The following KYNU variants were observed in gnomAD, a reference collection of about 807,000 sequenced individuals.
The protein encoded by KYNU is L-kynurenine hydrolase.
Under a neutral mutation model 59.2 loss-of-function variants are expected in KYNU, and 54 were observed. That is an observed-to-expected ratio of 0.91 (90% CI 0.73 to 1.14). The LOEUF is 1.14. Among genes scored for constraint, KYNU ranks in the 50% most tolerant of loss-of-function variants. The pLI is 0.00. For missense variants in KYNU, 567 were observed against 554.4 expected, an observed-to-expected ratio of 1.02 and a Z score of -0.23; for synonymous variants, 177 against 192.0, an observed-to-expected ratio of 0.92 and a Z score of 0.65.
In KYNU at chr2:142,885,281, T is replaced by C. The variant is rs1233871799; in HGVS notation, c.-19-68T>C. On this transcript the variant is annotated intron_variant, in intron 1 of 13. Coordinates refer to ENST00000264170, the MANE Select transcript of KYNU (RefSeq NM_003937.3). ...GTCTTAGTGAAAACAAAAGGTGTAT[T>C]ACCTAAAGGGCTCATTTTCTACAGG... 5 of 1,288,206 alleles carry C rather than the reference T, an allele frequency of 3.9e-6. No individual in the cohort carries two copies. The African/African-American group carries it at 5.9e-5, about 15-fold the overall frequency. The allele number at this position is 1,288,206 out of a possible 1,614,324, so 79.8% of individuals were successfully genotyped here. A position where few individuals can be genotyped will look rare whatever the true frequency, so the allele number is the denominator to read the frequency against.
intron 10 of KYNU, among the ~76,000 whole-genome samples, chr2:142,992,347 G>T (rs924948829): frequency 1.3e-5 from 2 of 151,344 alleles, no homozygotes; most frequent in African/African-American, 2.4e-5. Flanking sequence ...TACTATAAAA[G>T]GGATGATATT....
At chr2:143,032,351 T>A (rs1171509454) in intron 11 of KYNU, among the ~76,000 whole-genome samples, 1 of 150,458 alleles carries the variant, frequency 6.6e-6, no homozygotes, top group Non-Finnish European at 1.5e-5. Flanking sequence ...TTGTGAGAAC[T>A]CCTTCACTAT....
chr2:142,912,569 G>A (rs1018567361), intron 2 of KYNU, among the ~76,000 whole-genome samples: 1 of 151,038 alleles, frequency 6.6e-6, no homozygotes, highest in Non-Finnish European at 1.5e-5. Flanking sequence ...AGTAGAGATG[G>A]AGTTTCTCCA....
intron 4 of KYNU, among the ~76,000 whole-genome samples, chr2:142,943,458 C>G (rs1683666598): frequency 6.6e-6 from 1 of 151,984 alleles, no homozygotes; most frequent in Non-Finnish European, 1.5e-5. Flanking sequence ...AGAAAAAATT[C>G]AATTTCAGAT....
intron 4 of KYNU, among the ~76,000 whole-genome samples, chr2:142,941,708 G>A (rs926928222): frequency 5.3e-5 from 8 of 152,110 alleles, no homozygotes; most frequent in Admixed American, 5.2e-4. Flanking sequence ...CTGAACCCAC[G>A]ACCTGACCCG....
intron 8 of KYNU, among the ~76,000 whole-genome samples, chr2:142,980,948 C>T (rs780689368): frequency 2.2e-4 from 34 of 151,902 alleles, no homozygotes; most frequent in Non-Finnish European, 4.4e-4. Context: ...TTTTGGAGAA[C>T]CATTAGATTT....
intron 1 of KYNU, among the ~76,000 whole-genome samples, chr2:142,880,018 C>G (rs1681236679): frequency 6.6e-6 from 1 of 152,178 alleles, no homozygotes; most frequent in South Asian, 2.1e-4. Flanking sequence ...TTGTCTAAGT[C>G]TTTCTCATAT....
intron 2 of KYNU, among the ~76,000 whole-genome samples, chr2:142,901,697 CT>C (rs1475869658): frequency 1.3e-5 from 2 of 152,078 alleles, no homozygotes; most frequent in Non-Finnish European, 2.9e-5. Context: ...ACCCTTTTCC[CT>C]TTTTTTAATT....
intron 8 of KYNU, among the ~76,000 whole-genome samples, chr2:142,974,371 G>A (rs1684826270): frequency 6.6e-6 from 1 of 152,180 alleles, no homozygotes; most frequent in Non-Finnish European, 1.5e-5. Context: ...ATAAAATAAG[G>A]TGAACGTAGA....
At chr2:143,032,313 A>AC (rs989997892) in intron 11 of KYNU, among the ~76,000 whole-genome samples, 1 of 151,482 alleles carries the variant, frequency 6.6e-6, no homozygotes, top group African/African-American at 2.4e-5. Flanking sequence ...AAAACAAAAA[A>AC]AACTGCTGTT....
In KYNU at chr2:143,050,005, A is replaced by AAT. The variant is rs1464517983; in HGVS notation, c.*7843_*7844dup. On this transcript the variant is annotated 3_prime_UTR_variant, in exon 14 of 14. Transcript: ENST00000264170. The stretch of plus-strand genomic sequence containing the variant: ...CAATCACATAAGTAGGATTTACCTG[A>AAT]ATATATATATAATATATAAACATAT... 2.7e-5 allele frequency: 4 copies of AAT among 148,356 alleles called. No homozygotes were observed. Among genetic ancestry groups the AAT allele is most frequent in the Admixed American group, 1.3e-4 (2 of 14,826 alleles). 9.2% of individuals were successfully genotyped at this position (148,356 alleles called of 1,614,324 possible).
rs1687091294 is a variant in KYNU, at chr2:143,042,628, A to ATGTGTGTG, written c.*457_*458insGTGTGTGT. On this transcript the variant is annotated 3_prime_UTR_variant, in exon 14 of 14. Transcript: ENST00000264170. ...TATATATATATATATATATATATAT[A>ATGTGTGTG]TATGTGTGTGTGTGTGTGTGTATAT... 2 of 118,432 alleles carry ATGTGTGTG rather than the reference A, an allele frequency of 1.7e-5. No individual in the cohort carries two copies. The highest frequency in any genetic ancestry group is 7.0e-5 in the African/African-American group (2 of 28,580). The allele number at this position is 118,432 out of a possible 1,614,324, so 7.3% of individuals were successfully genotyped here.
chr2:142,995,957 C>G (rs1685526608), intron 10 of KYNU, among the ~76,000 whole-genome samples: 1 of 152,074 alleles, frequency 6.6e-6, no homozygotes, highest in Non-Finnish European at 1.5e-5. Context: ...GCCTGAACTA[C>G]TCTTATTTCT....
intron 8 of KYNU, among the ~76,000 whole-genome samples, chr2:142,984,407 G>T (rs1685139477): frequency 6.6e-6 from 1 of 151,932 alleles, no homozygotes; most frequent in Admixed American, 6.6e-5. Flanking sequence ...ATTATAAGTT[G>T]TTTTATTGAA....
chr2:142,960,760 G>A lies in KYNU; in HGVS notation c.719G>A (p.Gly240Glu). ...HFNIPAITKA[G>E]QAKGCYVGFD... ...AATATTCCTGCCATCACAAAAGCTG[G>A]ACAAGCGAAGGTATGCACGCCATTT... The change falls in exon 8 of 14, where the codon GGA becomes GAA. Residue 240 changes from glycine (G) to glutamate (E), a missense_variant. Coordinates refer to ENST00000264170, the MANE Select transcript of KYNU (RefSeq NM_003937.3). The A allele has an allele frequency of 6.2e-7, 1 of 1,613,884 alleles. No homozygotes were observed. The highest frequency in any genetic ancestry group is 8.5e-7 in the Non-Finnish European group (1 of 1,179,966).
chr2:143,041,320 C>G (rs1166697768), intron 13 of KYNU, among the ~76,000 whole-genome samples: 1 of 151,990 alleles, frequency 6.6e-6, no homozygotes, highest in Non-Finnish European at 1.5e-5. Context: ...AGGTTACTCC[C>G]AGATGCTGGA....
chr2:142,998,447 G>T (rs1387827874), intron 10 of KYNU, among the ~76,000 whole-genome samples: 1 of 152,078 alleles, frequency 6.6e-6, no homozygotes, highest in Non-Finnish European at 1.5e-5. Flanking sequence ...CTTCCTCCTA[G>T]ATTCTGTGCA....
At chr2:142,955,328 T>C (rs1684128053) in intron 5 of KYNU, among the ~76,000 whole-genome samples, 1 of 152,112 alleles carries the variant, frequency 6.6e-6, no homozygotes, top group Non-Finnish European at 1.5e-5. Context: ...AATGAGTTAA[T>C]GTGTTTAAAG....
intron 2 of KYNU, among the ~76,000 whole-genome samples, chr2:142,900,763 GGGGTGT>G (rs1682051047): frequency 1.3e-5 from 2 of 152,174 alleles, no homozygotes; most frequent in African/African-American, 4.8e-5. Context: ...CTGCTGAATT[GGGGTGT>G]AGTATGGGCT....
Sources: gnomAD v4.1 joint callset for allele counts (sites outside exome capture counted in the v4.1 genomes callset) on GRCh38, gnomAD v4.1.1 for gene constraint, MANE v1.5 for transcripts, NCBI Gene and HGNC (gene_info 2026-07-23, HGNC 2026-07-21) for gene names.